VAT1L: variants seen among roughly 807,000 people sequenced by gnomAD.
VAT1L encodes the protein putative NADPH-dependent quinone oxidoreductase VAT1L.
VAT1L carries 34 observed loss-of-function variants against 44.1 expected under a neutral mutation model. The observed-to-expected ratio is 0.77, with a 90% CI of 0.59 to 1.03. The LOEUF is 1.03. VAT1L is among the 50% of genes least tolerant of loss of function. The pLI is 0.00. For synonymous variants in VAT1L, 253 were observed against 202.2 expected, an observed-to-expected ratio of 1.25 and a Z score of -2.13; for missense variants, 615 against 538.8, an observed-to-expected ratio of 1.14 and a Z score of -1.40.
intron 1 of VAT1L, among the ~76,000 whole-genome samples, chr16:77,803,915 C>A (rs2016110301): frequency 6.6e-6 from 1 of 152,064 alleles, no homozygotes; most frequent in African/African-American, 2.4e-5. Context: ...AGGGGCACGC[C>A]CATTCAGTGA....
At chr16:77,891,114 G>A (rs187713556) in intron 7 of VAT1L, among the ~76,000 whole-genome samples, 1 of 152,224 alleles carries the variant, frequency 6.6e-6, no homozygotes, top group Non-Finnish European at 1.5e-5. Context: ...CAGCACTTTG[G>A]GAGGCCGAGG....
chr16:77,934,725 G>A (rs1407837997), intron 7 of VAT1L, among the ~76,000 whole-genome samples: 1 of 152,182 alleles, frequency 6.6e-6, no homozygotes, highest in Non-Finnish European at 1.5e-5. Context: ...AGTTAGAGCA[G>A]AGAACAGAGG....
intron 7 of VAT1L, among the ~76,000 whole-genome samples, chr16:77,967,061 C>T (rs1455971008): frequency 6.6e-6 from 1 of 152,102 alleles, no homozygotes; most frequent in Non-Finnish European, 1.5e-5. Context: ...GCACTGTCAC[C>T]CCCGCCGGGG....
At chr16:77,952,855 T>TAAA (rs61033802) in intron 7 of VAT1L, among the ~76,000 whole-genome samples, 12 of 92,202 alleles carry the variant, frequency 1.3e-4, no homozygotes, top group African/African-American at 3.3e-4. Context: ...AGACTCCATT[T>TAAA]AAAAAAAAAA....
intron 7 of VAT1L, among the ~76,000 whole-genome samples, chr16:77,930,020 T>C (rs756981164): frequency 5.9e-5 from 9 of 152,188 alleles, no homozygotes; most frequent in Admixed American, 2.6e-4. Flanking sequence ...AGATGTCTTA[T>C]TTCCAAATGA....
intron 4 of VAT1L, among the ~76,000 whole-genome samples, 192 bp from the exon 5 acceptor site, chr16:77,876,178 T>C (rs1160151277): frequency 6.6e-6 from 1 of 152,150 alleles, no homozygotes; most frequent in African/African-American, 2.4e-5. Flanking sequence ...GCCTCCAGTT[T>C]TGTGAAATTT....
chr16:77,843,167 C>G (rs940527251), intron 3 of VAT1L, among the ~76,000 whole-genome samples: 1 of 152,174 alleles, frequency 6.6e-6, no homozygotes, highest in East Asian at 1.9e-4. Flanking sequence ...TACGGGTCTA[C>G]CCATCTGCTC....
At chr16:77,865,920 A>T (rs1274828521) in intron 4 of VAT1L, among the ~76,000 whole-genome samples, 2 of 152,072 alleles carry the variant, frequency 1.3e-5, no homozygotes, top group Non-Finnish European at 2.9e-5. Flanking sequence ...CTATCTTTCC[A>T]CTGCCCTAGA....
At chr16:77,828,019 C>T (rs148501024) in intron 3 of VAT1L, among the ~76,000 whole-genome samples, 45 of 152,292 alleles carry the variant, frequency 3.0e-4, no homozygotes, top group African/African-American at 8.9e-4. Context: ...ATCTCTCAGA[C>T]GGGCTGGTCT....
At chr16:77,796,493 G>A (rs1431156358) in intron 1 of VAT1L, among the ~76,000 whole-genome samples, 5 of 152,182 alleles carry the variant, frequency 3.3e-5, no homozygotes, top group Non-Finnish European at 7.3e-5. Context: ...ACCAATTTGG[G>A]TTCAGATCCT....
chr16:77,865,531 G>T (rs1376547155), intron 4 of VAT1L, among the ~76,000 whole-genome samples: 4 of 152,202 alleles, frequency 2.6e-5, no homozygotes, highest in Non-Finnish European at 5.9e-5. Context: ...AGGGAGAGGG[G>T]ACAAAAAATA....
At chr16:77,945,869 C>G (rs2017955732) in intron 7 of VAT1L, among the ~76,000 whole-genome samples, 1 of 150,486 alleles carries the variant, frequency 6.6e-6, no homozygotes, top group Non-Finnish European at 1.5e-5. Context: ...GTGGCACGAT[C>G]TCAGCTCACT....
intron 5 of VAT1L, among the ~76,000 whole-genome samples, chr16:77,878,300 C>T (rs955838660): frequency 6.6e-6 from 1 of 152,134 alleles, no homozygotes; most frequent in African/African-American, 2.4e-5. Flanking sequence ...TACTAGTTTA[C>T]CCAGGCTAAA....
chr16:77,794,713 C>T lies in VAT1L; in HGVS notation c.233+5798C>T, dbSNP rs568734646. Among the ~76,000 whole-genome samples, 22 of 152,246 alleles carry T rather than the reference C, an allele frequency of 1.4e-4. No individual in the cohort carries two copies. In the East Asian group the frequency reaches 4.1e-3, roughly 28 times the overall value. ...TTCTAATGCCAAGCCAGGAGCCACT[C>T]TGACATGGAGATTGGAATAATGTGT... On this transcript the variant is annotated intron_variant, in intron 1 of 8. Coordinates refer to ENST00000302536, the MANE Select transcript of VAT1L (RefSeq NM_020927.3).
intron 1 of VAT1L, among the ~76,000 whole-genome samples, chr16:77,807,723 C>A (rs550728719): frequency 1.3e-5 from 2 of 152,074 alleles, no homozygotes; most frequent in Non-Finnish European, 2.9e-5. Context: ...TTACTGTGTA[C>A]GAGGTACTCT....
intron 8 of VAT1L, among the ~76,000 whole-genome samples, chr16:77,973,205 A>T (rs2018299009): frequency 6.6e-6 from 1 of 152,174 alleles, no homozygotes; most frequent in South Asian, 2.1e-4. Flanking sequence ...CTCAGCTTTG[A>T]TCCCCTATCG....
chr16:77,842,289 C>G (rs2016715235), intron 3 of VAT1L, among the ~76,000 whole-genome samples: 1 of 152,160 alleles, frequency 6.6e-6, no homozygotes, highest in African/African-American at 2.4e-5. Flanking sequence ...GAAACACACT[C>G]CTGTAGATCT....
At chr16:77,854,361 T>A (rs1340413016) in intron 3 of VAT1L, among the ~76,000 whole-genome samples, 4 of 152,156 alleles carry the variant, frequency 2.6e-5, no homozygotes, top group Non-Finnish European at 5.9e-5. Flanking sequence ...GCATTGTAGG[T>A]GAGAACACAG....
intron 7 of VAT1L, among the ~76,000 whole-genome samples, chr16:77,937,123 T>G (rs1045306440): frequency 7.9e-5 from 12 of 152,140 alleles, no homozygotes; most frequent in African/African-American, 2.9e-4. Context: ...CCTCATGATC[T>G]GCCCACCTCG....
Sources: allele counts gnomAD v4.1 joint callset (sites outside exome capture counted in the v4.1 genomes callset), GRCh38; gene constraint gnomAD v4.1.1; transcripts MANE v1.5; gene names NCBI Gene and HGNC (gene_info 2026-07-23, HGNC 2026-07-21).